The following RAB38 variants were observed in gnomAD, a reference collection of about 807,000 sequenced individuals.
RAB38 encodes the protein ras-related protein Rab-38.
Under a neutral mutation model 18.4 loss-of-function variants are expected in RAB38, and 15 were observed. The ratio of observed to expected loss-of-function variants is 0.82; its 90% CI spans 0.55 to 1.26. The LOEUF (loss-of-function observed/expected upper bound fraction) is 1.26, where lower values mean the gene tolerates loss of function less well. RAB38 is among the 50% of genes most tolerant of loss of function. The pLI, the probability that RAB38 is intolerant of heterozygous loss-of-function variation, is 0.00. For synonymous variants in RAB38, 101 were observed against 104.4 expected (o/e 0.97, Z 0.20); for missense variants, 294 against 267.4 (o/e 1.10, Z -0.69).
chr11:87,839,737 T>TA, the RAB38 span, among the ~76,000 whole-genome samples: 1 of 152,220 alleles, frequency 6.6e-6, no homozygotes, highest in Non-Finnish European at 1.5e-5. Context: ...AAGTAGAAGA[T>TA]AGAGATTTAT....
At chr11:87,943,204 G>A in the RAB38 span, among the ~76,000 whole-genome samples, 1 of 152,132 alleles carries the variant, frequency 6.6e-6, no homozygotes, top group African/African-American at 2.4e-5. Context: ...TTAGGGAAAT[G>A]GAAAGTCCAG....
the RAB38 span, among the ~76,000 whole-genome samples, chr11:88,049,171 G>A: frequency 8.6e-5 from 13 of 151,658 alleles, no homozygotes; most frequent in Non-Finnish European, 1.3e-4. Context: ...AATTTTCACC[G>A]CCCCAACACT....
chr11:87,922,677 T>C, the RAB38 span, among the ~76,000 whole-genome samples: 1 of 151,982 alleles, frequency 6.6e-6, no homozygotes. Flanking sequence ...ATGAGGTTTG[T>C]GGTACATGGA....
the RAB38 span, among the ~76,000 whole-genome samples, chr11:87,971,692 G>T: frequency 1.6e-4 from 24 of 152,226 alleles, 1 homozygote; most frequent in East Asian, 4.6e-3. Context: ...GCATAACCAG[G>T]TTCTAATATA....
chr11:88,168,359 C>T (rs1338543749), intron 1 of RAB38, among the ~76,000 whole-genome samples: 1 of 152,176 alleles, frequency 6.6e-6, no homozygotes, highest in Non-Finnish European at 1.5e-5. Context: ...CTTCCTCACA[C>T]ATTGTAATCT....
At chr11:88,029,615 G>A in the RAB38 span, among the ~76,000 whole-genome samples, 1 of 152,038 alleles carries the variant, frequency 6.6e-6, no homozygotes, top group Admixed American at 6.6e-5. Context: ...AACCAACAAA[G>A]ATCAAAAGAG....
the RAB38 span, among the ~76,000 whole-genome samples, chr11:87,844,000 C>T: frequency 6.6e-6 from 1 of 152,128 alleles, no homozygotes; most frequent in African/African-American, 2.4e-5. Context: ...TAACATATTT[C>T]CTCATCTCTT....
At chr11:87,899,859 A>T in the RAB38 span, among the ~76,000 whole-genome samples, 1 of 151,626 alleles carries the variant, frequency 6.6e-6, no homozygotes, top group Non-Finnish European at 1.5e-5. Context: ...AACAGTGATT[A>T]TTTGAAAACA....
chr11:88,153,902 G>T (rs1419233883), intron 1 of RAB38, among the ~76,000 whole-genome samples: 1 of 152,164 alleles, frequency 6.6e-6, no homozygotes, highest in Non-Finnish European at 1.5e-5. Context: ...AAGACCAATT[G>T]TGTGGGCTTT....
the RAB38 span, among the ~76,000 whole-genome samples, chr11:87,966,538 T>C: frequency 6.6e-6 from 1 of 152,140 alleles, no homozygotes; most frequent in Admixed American, 6.5e-5. Context: ...AAATGCAACA[T>C]GCAAGAGAGG....
the RAB38 span, among the ~76,000 whole-genome samples, chr11:87,921,022 T>C: frequency 6.6e-6 from 1 of 151,984 alleles, no homozygotes; most frequent in Non-Finnish European, 1.5e-5. Context: ...TCTTGATGCA[T>C]CATAACAGGA....
At chr11:88,096,099 TTCTC>T in the RAB38 span, among the ~76,000 whole-genome samples, 1 of 87,750 alleles carries the variant, frequency 1.1e-5, no homozygotes, top group African/African-American at 8.0e-5. Context: ...TCCACTCCTC[TTCTC>T]AGTATCTTCT....
At chr11:88,088,937 C>A in the RAB38 span, among the ~76,000 whole-genome samples, 4 of 104,410 alleles carry the variant, frequency 3.8e-5, no homozygotes, top group African/African-American at 1.6e-4. Context: ...GAAAAACTCA[C>A]AGGAGCTGAC....
chr11:87,813,499 T>TCACACA, the RAB38 span, among the ~76,000 whole-genome samples: 2,623 of 146,924 alleles, frequency 0.018, 77 homozygotes, highest in African/African-American at 0.06. Context: ...ATCATACACA[T>TCACACA]CACACACACA....
the RAB38 span, among the ~76,000 whole-genome samples, chr11:87,826,183 C>T: frequency 2.4e-3 from 362 of 152,042 alleles, 3 homozygotes; most frequent in African/African-American, 8.3e-3. Flanking sequence ...AAAATGATAT[C>T]CCCTAGGGAT....
chr11:88,080,513 T>A, the RAB38 span, among the ~76,000 whole-genome samples: 1 of 151,944 alleles, frequency 6.6e-6, no homozygotes, highest in South Asian at 2.1e-4. Context: ...ATCAAAATTG[T>A]AGCACATTCT....
the RAB38 span, among the ~76,000 whole-genome samples, chr11:88,106,980 C>T: frequency 7.9e-5 from 12 of 151,838 alleles, no homozygotes; most frequent in African/African-American, 2.7e-4. Context: ...AGAAGAGCAG[C>T]GATAAAGAGG....
the RAB38 span, among the ~76,000 whole-genome samples, chr11:88,028,639 A>G: frequency 0.022 from 3,401 of 152,300 alleles, 122 homozygotes; most frequent in African/African-American, 0.078. Context: ...CCGATGGAAG[A>G]TGAAATGAAT....
chr11:88,117,535 G>A (rs2134773463), intron 2 of RAB38, among the ~76,000 whole-genome samples: 1 of 152,304 alleles, frequency 6.6e-6, no homozygotes, highest in African/African-American at 2.4e-5. Flanking sequence ...GTACCAAGGT[G>A]CTGATTGTCA....
Sources: gnomAD v4.1 joint callset for allele counts (sites outside exome capture counted in the v4.1 genomes callset) on GRCh38, gnomAD v4.1.1 for gene constraint, MANE v1.5 for transcripts, NCBI Gene and HGNC (gene_info 2026-07-23, HGNC 2026-07-21) for gene names.